Variants in IFFO2 observed in about 807,000 individuals in gnomAD.
IFFO2 encodes intermediate filament family orphan 2.
A neutral mutation model predicts 53.5 loss-of-function variants in IFFO2; 19 were observed. The ratio of observed to expected loss-of-function variants is 0.36; its 90% CI spans 0.25 to 0.52. The LOEUF (loss-of-function observed/expected upper bound fraction) is 0.52, where lower values mean the gene tolerates loss of function less well. Ranked by LOEUF, IFFO2 falls within the 20% of genes least tolerant of loss-of-function variation. The pLI, the probability that IFFO2 is intolerant of heterozygous loss-of-function variation, is 0.94. For synonymous variants in IFFO2, 303 were observed against 313.6 expected (o/e 0.97, Z 0.36); for missense variants, 570 against 727.4 (o/e 0.78, Z 2.49).
chr1:18,930,259 T>A (rs371659070), intron 1 of IFFO2, among the ~76,000 whole-genome samples: 20 of 152,240 alleles, frequency 1.3e-4, no homozygotes, highest in African/African-American at 4.8e-4. Flanking sequence ...CCTCACGACC[T>A]CCCAATGACA....
rs1936607307 is a variant in IFFO2 at position 18,947,638 on chromosome 1, T to C, written c.665+8030A>G. 6.6e-6 allele frequency among the ~76,000 whole-genome samples: 1 copy of C among 152,122 alleles called. No homozygotes were observed. The highest frequency in any genetic ancestry group is 1.5e-5 in the Non-Finnish European group (1 of 68,008). ...GACGGGTCATAATATGTGTTCCCTG[T>C]TCCCCAACTCCTCCCCTGCCAGCCC... On this transcript the variant is annotated intron_variant, in intron 1 of 8. Transcript: ENST00000455833. The surrounding 1 kb of genome is among the most constrained non-coding windows in gnomAD (Gnocchi z 5.0).
intron 1 of IFFO2, among the ~76,000 whole-genome samples, chr1:18,923,438 A>G (rs372340908): frequency 3.1e-4 from 47 of 152,226 alleles, no homozygotes; most frequent in African/African-American, 1.1e-3. Context: ...GCAGGAGCCC[A>G]GATCTTTGGC....
In IFFO2 at chr1:18,905,657, T is replaced by C. The variant is rs1935936676; in HGVS notation, c.*2904A>G. The C allele has an allele frequency of 6.6e-6, 1 of 151,388 alleles. No homozygotes were observed. The highest frequency in any genetic ancestry group is 2.4e-5 in the African/African-American group (1 of 40,924). The allele number at this position is 151,388 out of a possible 1,614,324, so 9.4% of individuals were successfully genotyped here. A position where few individuals can be genotyped will look rare whatever the true frequency, so the allele number is the denominator to read the frequency against. ...AAATGTGTTGATTTGCCAATAATTTTTTTCTCTGTTCGGAGTCTCAGAGGA... is the reference window on the plus strand; with the variant it reads ...AAATGTGTTGATTTGCCAATAATTTCTTTCTCTGTTCGGAGTCTCAGAGGA... On this transcript the variant is annotated 3_prime_UTR_variant, in exon 9 of 9. Transcript: ENST00000455833.
intron 1 of IFFO2, among the ~76,000 whole-genome samples, chr1:18,945,361 G>A (rs983352181): frequency 2.6e-5 from 4 of 152,118 alleles, no homozygotes; most frequent in African/African-American, 9.7e-5. Flanking sequence ...AGCAAAACGG[G>A]GGTGCCAACG....
In IFFO2 at chr1:18,917,153, G is replaced by T; in HGVS notation, c.964-111C>A. ...TCACAGGATGATGAGCGTGACTGGG[G>T]CCGGCCAGTGCCAGGAAAGGTGCAG... On this transcript the variant is annotated intron_variant, in intron 4 of 8. Coordinates refer to ENST00000455833, the MANE Select transcript of IFFO2 (RefSeq NM_001136265.2). This position sits in a 1 kb window ranked among gnomAD's most constrained non-coding sequence, Gnocchi z 5.9. 8.2e-7 allele frequency: 1 copy of T among 1,225,504 alleles called. No individual in the cohort carries two copies. Among genetic ancestry groups the T allele is most frequent in the Non-Finnish European group, 1.1e-6 (1 of 887,488 alleles). The allele number at this position is 1,225,504 out of a possible 1,614,324, so 75.9% of individuals were successfully genotyped here.
intron 1 of IFFO2, among the ~76,000 whole-genome samples, chr1:18,931,859 T>C (rs891619240): frequency 1.3e-5 from 2 of 152,118 alleles, no homozygotes; most frequent in African/African-American, 4.8e-5. Flanking sequence ...GCACATCACT[T>C]AGAAAATGCC....
At chr1:18,932,982 C>T (rs964310299) in intron 1 of IFFO2, among the ~76,000 whole-genome samples, 3 of 152,258 alleles carry the variant, frequency 2.0e-5, no homozygotes, top group African/African-American at 7.2e-5. Context: ...CAGAATATCT[C>T]CCACAGCCCA....
intron 1 of IFFO2, among the ~76,000 whole-genome samples, chr1:18,940,873 G>C (rs999649814): frequency 6.6e-6 from 1 of 152,168 alleles, no homozygotes; most frequent in Non-Finnish European, 1.5e-5. Context: ...ATCCTGACAA[G>C]AGAAAGCTCC....
chr1:18,944,848 G>A (rs1387544929), intron 1 of IFFO2, among the ~76,000 whole-genome samples: 3 of 152,178 alleles, frequency 2.0e-5, no homozygotes, highest in Non-Finnish European at 4.4e-5. Flanking sequence ...CAGCCATAAA[G>A]AGTAGAGATC....
At chr1:18,948,284 G>A (rs534501922) in intron 1 of IFFO2, among the ~76,000 whole-genome samples, 39 of 152,346 alleles carry the variant, frequency 2.6e-4, no homozygotes, top group Non-Finnish European at 4.6e-4. Flanking sequence ...ATTGTACAGA[G>A]CGACAAACTG....
chr1:18,943,682 C>T (rs1277212336), intron 1 of IFFO2, among the ~76,000 whole-genome samples: 2 of 152,162 alleles, frequency 1.3e-5, no homozygotes, highest in Non-Finnish European at 2.9e-5. Context: ...ATGGTGCAGC[C>T]AAGCACAGGG....
chr1:18,911,358 G>A, intron 7 of IFFO2, 26 bp downstream of exon 7: 7 of 1,287,724 alleles, frequency 5.4e-6, no homozygotes, highest in Non-Finnish European at 7.4e-6. Flanking sequence ...AGCCTCACGA[G>A]TGGGCTCCAC....
intron 1 of IFFO2, among the ~76,000 whole-genome samples, chr1:18,946,249 C>T (rs1048732395): frequency 2.0e-5 from 3 of 152,058 alleles, no homozygotes; most frequent in Non-Finnish European, 2.9e-5. Flanking sequence ...TCCAAACAGC[C>T]TCATGAGGTC....
intron 1 of IFFO2, among the ~76,000 whole-genome samples, chr1:18,937,572 T>G (rs1353535241): frequency 6.6e-6 from 1 of 152,080 alleles, no homozygotes; most frequent in Non-Finnish European, 1.5e-5. Context: ...AGACGGGGAA[T>G]GAAATGGAGC....
chr1:18,955,651 G>T lies in IFFO2; in HGVS notation c.665+17C>A. ...GGCGCCCCGTCCCAGGGCGGCGGGGGAGGGGCGGCCACTCACCTCCGCTTA... is the reference window on the plus strand; with the variant it reads ...GGCGCCCCGTCCCAGGGCGGCGGGGTAGGGGCGGCCACTCACCTCCGCTTA... On this transcript the variant is annotated intron_variant, in intron 1 of 8. Transcript: ENST00000455833. 2 of 1,557,412 alleles carry T rather than the reference G, an allele frequency of 1.3e-6. No homozygotes were observed. Among genetic ancestry groups the T allele is most frequent in the Non-Finnish European group, 1.7e-6 (2 of 1,157,192 alleles).
Position 18,930,439 on chromosome 1 carries a change from T to C in IFFO2, c.666-9318A>G, listed in dbSNP as rs575934068. Reference sequence around the variant, plus strand: ...TAGATGCCGCCTTCACCTGGCTGGGTGGCTGGCAGTACAAGGGGACAGGGT... The same window carrying C: ...TAGATGCCGCCTTCACCTGGCTGGGCGGCTGGCAGTACAAGGGGACAGGGT... On this transcript the variant is annotated intron_variant, in intron 1 of 8. Coordinates refer to ENST00000455833, the MANE Select transcript of IFFO2 (RefSeq NM_001136265.2). 9.2e-5 allele frequency among the ~76,000 whole-genome samples: 14 copies of C among 152,262 alleles called. No individual in the cohort carries two copies. In the South Asian group the frequency reaches 2.5e-3, roughly 27 times the overall value.
intron 1 of IFFO2, among the ~76,000 whole-genome samples, chr1:18,938,507 C>T (rs144597958): frequency 7.2e-5 from 11 of 152,284 alleles, no homozygotes; most frequent in African/African-American, 1.4e-4. Context: ...CCCAGCACAC[C>T]GTAGGCCCTC....
chr1:18,911,816 G>A (rs943465779), intron 6 of IFFO2, 147 bp downstream of exon 6: 1 of 1,036,262 alleles, frequency 9.7e-7, no homozygotes, highest in East Asian at 2.8e-5. Context: ...TGGGATTACA[G>A]GCATGAGCCA....
At chr1:18,924,015 C>T (rs879351309) in intron 1 of IFFO2, among the ~76,000 whole-genome samples, 38 of 152,302 alleles carry the variant, frequency 2.5e-4, no homozygotes, top group Middle Eastern at 3.4e-3. Context: ...CAAAGCCAGA[C>T]GGGGGAGGCA....
Sources: allele counts gnomAD v4.1 joint callset (sites outside exome capture counted in the v4.1 genomes callset), GRCh38; gene constraint gnomAD v4.1.1; non-coding constraint Gnocchi (gnomAD v3.1); transcripts MANE v1.5; gene names NCBI Gene and HGNC (gene_info 2026-07-23, HGNC 2026-07-21).